The following RTN3 variants were observed in gnomAD, a reference collection of about 807,000 sequenced individuals.
RTN3 encodes the protein reticulon-3.
Under a neutral mutation model 77.8 loss-of-function variants are expected in RTN3, and 49 were observed. The ratio of observed to expected loss-of-function variants is 0.63; its 90% CI spans 0.50 to 0.80. RTN3 has a LOEUF of 0.80. Among genes scored for constraint, RTN3 ranks in the 30% least tolerant of loss-of-function variants. RTN3 has a pLI of 0.00. For synonymous variants in RTN3, 464 were observed against 446.9 expected (o/e 1.04, Z -0.48); for missense variants, 1,236 against 1,211.9 (o/e 1.02, Z -0.29).
intron 3 of RTN3, among the ~76,000 whole-genome samples, chr11:63,740,876 C>G (rs553487833): frequency 4.6e-5 from 7 of 152,256 alleles, no homozygotes; most frequent in African/African-American, 1.2e-4. Context: ...GTGTTACTAT[C>G]TAATCAATAG....
intron 1 of RTN3, among the ~76,000 whole-genome samples, chr11:63,688,333 C>T (rs996082072): frequency 1.3e-5 from 2 of 150,996 alleles, no homozygotes; most frequent in African/African-American, 4.9e-5. Context: ...ATGCCATTCT[C>T]CTGCCTCAGC....
intron 3 of RTN3, among the ~76,000 whole-genome samples, chr11:63,742,153 G>A (rs935974035): frequency 2.0e-5 from 3 of 150,906 alleles, no homozygotes; most frequent in Admixed American, 1.3e-4. Context: ...CTAATTTTTT[G>A]TATTTTTAGT....
At chr11:63,741,841 T>C (rs2013499939) in intron 3 of RTN3, among the ~76,000 whole-genome samples, 1 of 152,038 alleles carries the variant, frequency 6.6e-6, no homozygotes, top group Admixed American at 6.6e-5. Context: ...CAATTGTCTG[T>C]TTCTGGATTT....
chr11:63,731,443 A>G (rs2012685105), intron 3 of RTN3, among the ~76,000 whole-genome samples: 1 of 152,200 alleles, frequency 6.6e-6, no homozygotes, highest in Non-Finnish European at 1.5e-5. Flanking sequence ...TAAGCTTTAA[A>G]TTAATGAAGA....
At chr11:63,736,736 A>G (rs1451801694) in intron 3 of RTN3, among the ~76,000 whole-genome samples, 1 of 152,168 alleles carries the variant, frequency 6.6e-6, no homozygotes, top group Non-Finnish European at 1.5e-5. Flanking sequence ...GTTATATGCA[A>G]ATACCATGCT....
At chr11:63,738,467 C>A (rs1291803445) in intron 3 of RTN3, among the ~76,000 whole-genome samples, 1 of 151,908 alleles carries the variant, frequency 6.6e-6, no homozygotes, top group Non-Finnish European at 1.5e-5. Context: ...AACTGAGACC[C>A]CCATCTGTAC....
At chr11:63,701,939 A>G (rs923777949) in intron 1 of RTN3, among the ~76,000 whole-genome samples, 14 of 152,296 alleles carry the variant, frequency 9.2e-5, no homozygotes, top group African/African-American at 3.1e-4. Flanking sequence ...CTTTGTCTCA[A>G]AAATAAATAA....
At chr11:63,707,561 C>T (rs911716747) in intron 2 of RTN3, among the ~76,000 whole-genome samples, 14 of 151,874 alleles carry the variant, frequency 9.2e-5, no homozygotes, top group African/African-American at 3.1e-4. Flanking sequence ...CGACTGTGCG[C>T]GGTGGCTCAC....
At chr11:63,704,933 A>G in intron 2 of RTN3, 26 bp downstream of exon 2, 4 of 1,563,832 alleles carry the variant, frequency 2.6e-6, no homozygotes, top group Non-Finnish European at 3.5e-6. Flanking sequence ...TTTTGTGTGC[A>G]TTGGTAAAAG....
intron 2 of RTN3, among the ~76,000 whole-genome samples, chr11:63,712,230 T>G (rs1300121445): frequency 5.9e-5 from 9 of 152,222 alleles, no homozygotes; most frequent in Non-Finnish European, 1.2e-4. Context: ...TTTGCCAATA[T>G]GCCTTTTCTC....
chr11:63,706,530 A>C (rs1942502059), intron 2 of RTN3, among the ~76,000 whole-genome samples: 1 of 152,168 alleles, frequency 6.6e-6, no homozygotes, highest in Non-Finnish European at 1.5e-5. Context: ...TAAACTGATG[A>C]CATTAGAACC....
chr11:63,756,943 G>A (rs542759222), intron 8 of RTN3, among the ~76,000 whole-genome samples: 10 of 152,330 alleles, frequency 6.6e-5, no homozygotes, highest in Admixed American at 2.0e-4. Context: ...CTACTCAGGA[G>A]GCTGAGGAGG....
chr11:63,692,338 A>G (rs1476322841), intron 1 of RTN3, among the ~76,000 whole-genome samples: 1 of 151,998 alleles, frequency 6.6e-6, no homozygotes, highest in Non-Finnish European at 1.5e-5. Context: ...TGTTCTTTAC[A>G]CCAGAAATAA....
chr11:63,732,763 A>G (rs973383606), intron 3 of RTN3, among the ~76,000 whole-genome samples: 5 of 152,216 alleles, frequency 3.3e-5, no homozygotes, highest in African/African-American at 1.2e-4. Context: ...CGAAGCATAT[A>G]AGGAAAAAGG....
intron 3 of RTN3, among the ~76,000 whole-genome samples, chr11:63,746,438 G>A (rs2013798853): frequency 6.6e-6 from 1 of 152,124 alleles, no homozygotes; most frequent in Admixed American, 6.5e-5. Flanking sequence ...CTACTTTGGA[G>A]TGTGTTTCCA....
At position 63,719,163 on chromosome 11, in the gene RTN3, G is replaced by A. The variant is rs1424074815; in HGVS notation, c.661G>A (p.Glu221Lys). Residue 221 changes from glutamate to lysine, a missense_variant, in exon 3 of 9, where the codon GAA becomes AAA. Glu to Lys is a moderately conservative substitution (Grantham distance 56). Transcript: ENST00000377819. ...ACCACCTACTGAGTACTCTAAGGTA[G>A]AAGGCATTTATACATATTCTTTGTC... is the stretch of plus-strand genomic sequence containing the variant. ...QKPPTEYSKV[E>K]GIYTYSLSPS... The A allele has an allele frequency of 1.2e-6, 2 of 1,614,180 alleles. No individual in the cohort carries two copies. The highest frequency in any genetic ancestry group is 2.2e-5 in the South Asian group (2 of 91,074).
At chr11:63,726,562 A>C (rs2012277991) in intron 3 of RTN3, among the ~76,000 whole-genome samples, 1 of 152,110 alleles carries the variant, frequency 6.6e-6, no homozygotes, top group Non-Finnish European at 1.5e-5. Flanking sequence ...GCACAACTAG[A>C]GATGAAAGAA....
At chr11:63,733,804 T>C (rs1328676579) in intron 3 of RTN3, among the ~76,000 whole-genome samples, 1 of 151,564 alleles carries the variant, frequency 6.6e-6, no homozygotes, top group Non-Finnish European at 1.5e-5. Flanking sequence ...GGCAGGAGGA[T>C]TGCTTGGGCC....
intron 3 of RTN3, among the ~76,000 whole-genome samples, chr11:63,727,158 A>T (rs537187215): frequency 6.6e-6 from 1 of 152,252 alleles, no homozygotes; most frequent in African/African-American, 2.4e-5. Flanking sequence ...TTGAAAAAAA[A>T]AGTTTGCAGT....
Sources: gnomAD v4.1 joint callset for allele counts (sites outside exome capture counted in the v4.1 genomes callset) on GRCh38, gnomAD v4.1.1 for gene constraint, MANE v1.5 for transcripts, NCBI Gene and HGNC (gene_info 2026-07-23, HGNC 2026-07-21) for gene names.